Variants in UNK observed in about 807,000 individuals in gnomAD.
The protein encoded by UNK is RING finger protein unkempt homolog.
In UNK, 32 loss-of-function variants were observed where a neutral mutation model predicts 97.6. The observed-to-expected ratio is 0.33, with a 90% CI of 0.25 to 0.44. The LOEUF is 0.44. UNK is among the 20% of genes least tolerant of loss of function. UNK has a pLI of 1.00. For missense variants in UNK, 771 were observed against 1,098.4 expected (o/e 0.70, Z 4.21); for synonymous variants, 441 against 461.2 (o/e 0.96, Z 0.56).
chr17:75,820,572 C>T (rs1037862330), intron 13 of UNK, among the ~76,000 whole-genome samples: 5 of 152,048 alleles, frequency 3.3e-5, no homozygotes, highest in East Asian at 1.9e-4. Context: ...CCCTTCCTGC[C>T]GGGCAGAGGC....
chr17:75,786,222 G>T (rs974202033), intron 1 of UNK, among the ~76,000 whole-genome samples: 1 of 152,114 alleles, frequency 6.6e-6, no homozygotes, highest in African/African-American at 2.4e-5. Context: ...GAGATCTTTC[G>T]CAGTCTTTCC....
At chr17:75,787,093 G>A (rs1486159241) in intron 1 of UNK, among the ~76,000 whole-genome samples, 2 of 152,194 alleles carry the variant, frequency 1.3e-5, no homozygotes, top group Non-Finnish European at 2.9e-5. Context: ...TTTCTTGCTA[G>A]ACTTACTAGC....
chr17:75,820,949 C>T lies in UNK; in HGVS notation c.1837+841C>T, dbSNP rs180763783. Among the ~76,000 whole-genome samples, 10 of 152,282 alleles carry T rather than the reference C, an allele frequency of 6.6e-5. No homozygotes were observed. In the South Asian group the frequency reaches 1.0e-3, roughly 16 times the overall value. ...CCAGAACAGCACATGGATTTCTCAG[C>T]GCCTTCCAGTTTGAAGAGGCTGTTC... On this transcript the variant is annotated intron_variant, in intron 13 of 15. Transcript: ENST00000589666.
chr17:75,801,153 T>C (rs1014757001), intron 1 of UNK, among the ~76,000 whole-genome samples: 8 of 152,048 alleles, frequency 5.3e-5, no homozygotes, highest in Non-Finnish European at 1.2e-4. Flanking sequence ...TCCGCCCGCC[T>C]CGACCTCCCA....
Position 75,813,095 on chromosome 17 carries a change from G to T in UNK, c.640G>T (p.Gly214Trp). The T allele has an allele frequency of 6.3e-7, 1 of 1,587,478 alleles. No homozygotes were observed. Among genetic ancestry groups the T allele is most frequent in the Non-Finnish European group, 8.6e-7 (1 of 1,167,046 alleles). ...PRWQETAYVLGNYKTEPCKKP... is the reference protein window; with the variant it reads ...PRWQETAYVLWNYKTEPCKKP... ...CTGTGCAGAGACTGCTTATGTGCTGGGGAACTATAAGACGGAGCCTTGCAA... is the reference window on the plus strand; with the variant it reads ...CTGTGCAGAGACTGCTTATGTGCTGTGGAACTATAAGACGGAGCCTTGCAA... The change falls in exon 5 of 16, where the codon GGG (glycine) becomes TGG (tryptophan). Residue 214 changes from glycine to tryptophan, a missense_variant. Gly to Trp is a radical substitution (Grantham distance 184, BLOSUM62 -2). Transcript: ENST00000589666.
rs755592574 is a variant in UNK, at chr17:75,817,491, G to A, written c.1270G>A (p.Val424Met). The change falls in exon 9 of 16, where the codon GTG becomes ATG. Residue 424 changes from valine to methionine, a missense_variant. Val to Met is a conservative substitution (Grantham distance 21, BLOSUM62 1). This residue lies in a region of UNK where 192 missense variants were observed against 202.4 expected (regional missense o/e 0.95). Transcript: ENST00000589666. The surrounding 1 kb of genome is among the most constrained non-coding windows in gnomAD (Gnocchi z 5.8). Reference protein sequence around the residue: ...KAPGFEREDQVGAEYLKNFKC... With the variant: ...KAPGFEREDQMGAEYLKNFKC... Reference sequence around the variant, plus strand: ...TCCCGGCTTCGAGAGGGAAGACCAGGTGGGAGCCGAGTACCTGAAAAATTT... The same window carrying A: ...TCCCGGCTTCGAGAGGGAAGACCAGATGGGAGCCGAGTACCTGAAAAATTT... 1.2e-5 allele frequency: 20 copies of A among 1,612,130 alleles called. No individual in the cohort carries two copies. The highest frequency in any genetic ancestry group is 2.2e-5 in the East Asian group (1 of 44,844).
intron 1 of UNK, among the ~76,000 whole-genome samples, chr17:75,804,929 C>T (rs994659313): frequency 6.6e-6 from 1 of 152,008 alleles, no homozygotes; most frequent in Non-Finnish European, 1.5e-5. Flanking sequence ...TGCAGTGGCT[C>T]ACGCCTGTAA....
rs192760382 is a variant in UNK, at chr17:75,809,264, A to G, written c.105-496A>G. 1.5e-4 allele frequency among the ~76,000 whole-genome samples: 23 copies of G among 152,344 alleles called. No homozygotes were observed. In the East Asian group the frequency reaches 3.7e-3, roughly 24 times the overall value. On this transcript the variant is annotated intron_variant, in intron 1 of 15. Coordinates refer to ENST00000589666, the MANE Select transcript of UNK (RefSeq NM_001080419.3). Reference sequence around the variant, plus strand: ...CCTTGTGACCTGGGCTTTCAGCTTCAGAGCTGAAAAGCCTAAGTGCTTATC... The same window carrying G: ...CCTTGTGACCTGGGCTTTCAGCTTCGGAGCTGAAAAGCCTAAGTGCTTATC...
intron 1 of UNK, chr17:75,792,294 T>C: frequency 2.0e-6 from 2 of 976,862 alleles, no homozygotes; most frequent in Non-Finnish European, 2.4e-6. Context: ...TGTTTTTGTT[T>C]TTGTTTTTTT....
intron 14 of UNK, 124 bp from the exon 15 acceptor site, chr17:75,823,141 T>G: frequency 1.4e-6 from 2 of 1,447,320 alleles, no homozygotes; most frequent in South Asian, 1.5e-5. Context: ...CTTGCCCTCC[T>G]CCCAGAGAGC....
At chr17:75,788,328 C>T (rs1033387039) in intron 1 of UNK, among the ~76,000 whole-genome samples, 1 of 151,982 alleles carries the variant, frequency 6.6e-6, no homozygotes, top group Non-Finnish European at 1.5e-5. Context: ...TGCAGGCACA[C>T]GCCACCATGG....
At chr17:75,808,365 C>T (rs2061937669) in intron 1 of UNK, among the ~76,000 whole-genome samples, 1 of 152,178 alleles carries the variant, frequency 6.6e-6, no homozygotes, top group African/African-American at 2.4e-5. Flanking sequence ...CAGGATGTAC[C>T]TGGAGCCCAG....
In UNK at chr17:75,824,189, G is replaced by A. The variant is rs2062096580; in HGVS notation, c.2278-73G>A. On this transcript the variant is annotated intron_variant, in intron 15 of 15. Transcript: ENST00000589666. This position sits in a 1 kb window ranked among gnomAD's most constrained non-coding sequence, Gnocchi z 4.9. ...TTCCCATCCCAAGGGGCTGCAGTGA[G>A]GATCAAGGGAACTCCTCGCTCAACT... 3.9e-5 allele frequency: 57 copies of A among 1,455,236 alleles called. No homozygotes were observed. Among genetic ancestry groups the A allele is most frequent in the Non-Finnish European group, 5.1e-5 (56 of 1,095,114 alleles). The allele number at this position is 1,455,236 out of a possible 1,614,324, so 90.1% of individuals were successfully genotyped here. A position where few individuals can be genotyped will look rare whatever the true frequency, so the allele number is the denominator to read the frequency against.
intron 1 of UNK, among the ~76,000 whole-genome samples, chr17:75,788,487 A>AT (rs2061733770): frequency 1.3e-5 from 2 of 150,904 alleles, no homozygotes; most frequent in South Asian, 4.2e-4. Context: ...TGCCTGTCAA[A>AT]TTTTTTACCT....
At position 75,810,009 on chromosome 17, in the gene UNK, CCTT is replaced by C. The variant is rs758494371; in HGVS notation, c.314+43_314+45del. ...CTGTCCTCAGAGGAGCCCCGTGTCT[CCTT>C]CTGGGTCAGATGCCCTCAGGGTAGG... is the stretch of plus-strand genomic sequence containing the variant. On this transcript the variant is annotated intron_variant, in intron 2 of 15. Coordinates refer to ENST00000589666, the MANE Select transcript of UNK (RefSeq NM_001080419.3). 5.6e-6 allele frequency: 9 copies of C among 1,607,748 alleles called. No individual in the cohort carries two copies. The South Asian group carries it at 9.9e-5, about 18-fold the overall frequency.
chr17:75,801,586 G>A (rs558208630), intron 1 of UNK, among the ~76,000 whole-genome samples: 14 of 151,360 alleles, frequency 9.2e-5, no homozygotes, highest in Non-Finnish European at 1.5e-4. Context: ...TCACTCTGTC[G>A]CCCAGGCTGG....
intron 1 of UNK, among the ~76,000 whole-genome samples, chr17:75,790,326 G>T (rs2061752511): frequency 6.6e-6 from 1 of 151,958 alleles, no homozygotes; most frequent in Non-Finnish European, 1.5e-5. Flanking sequence ...TTCTTGAAAG[G>T]TCACAGAAAA....
Position 75,817,945 on chromosome 17 carries a change from G to A in UNK, c.1306-158G>A, listed in dbSNP as rs1567808205. On this transcript the variant is annotated intron_variant, in intron 9 of 15. Transcript: ENST00000589666. The surrounding 1 kb of genome is among the most constrained non-coding windows in gnomAD (Gnocchi z 5.8). The stretch of plus-strand genomic sequence containing the variant: ...TCCCTGCTTAGGGTAGGGGAAGGGA[G>A]TAGGGGGTGGGGAGGAAGAAGGGGG... Among the ~76,000 whole-genome samples the A allele has an allele frequency of 6.6e-6, 1 of 152,038 alleles. No individual in the cohort carries two copies. The highest frequency in any genetic ancestry group is 1.5e-5 in the Non-Finnish European group (1 of 67,976).
chr17:75,807,657 G>A (rs780819310), intron 1 of UNK, among the ~76,000 whole-genome samples: 5 of 152,164 alleles, frequency 3.3e-5, no homozygotes, highest in Non-Finnish European at 5.9e-5. Context: ...GTTTCACCAG[G>A]TTGGCCAGGA....
Sources: allele counts gnomAD v4.1 joint callset (sites outside exome capture counted in the v4.1 genomes callset), GRCh38; gene constraint gnomAD v4.1.1; regional missense constraint gnomAD v4.1.1; non-coding constraint Gnocchi (gnomAD v3.1); transcripts MANE v1.5; gene names NCBI Gene and HGNC (gene_info 2026-07-23, HGNC 2026-07-21).